EFCAB9: variants seen among roughly 807,000 people sequenced by gnomAD.
The protein encoded by EFCAB9 is EF-hand calcium-binding domain-containing protein 9.
EFCAB9 carries 16 observed loss-of-function variants against 15.6 expected under a neutral mutation model. That is an observed-to-expected ratio of 1.03 (90% CI 0.69 to 1.56). The LOEUF (loss-of-function observed/expected upper bound fraction) is 1.56, where lower values mean the gene tolerates loss of function less well. Ranked by LOEUF, EFCAB9 falls within the 40% of genes most tolerant of loss-of-function variation. The pLI is 0.00. For synonymous variants in EFCAB9, 76 were observed against 85.4 expected, an observed-to-expected ratio of 0.89 and a Z score of 0.61; for missense variants, 208 against 235.4, an observed-to-expected ratio of 0.88 and a Z score of 0.76.
At chr5:172,194,528 T>A (rs1008039379) in intron 1 of EFCAB9, among the ~76,000 whole-genome samples, 1 of 152,026 alleles carries the variant, frequency 6.6e-6, no homozygotes, top group Non-Finnish European at 1.5e-5. Context: ...GCCTCCTGAG[T>A]AGCTGGGATT....
intron 3 of EFCAB9, 24 bp from the exon 4 acceptor site, chr5:172,203,190 C>CTTTT (rs562418226): frequency 4.1e-6 from 6 of 1,454,362 alleles, no homozygotes; most frequent in African/African-American, 3.0e-5. Context: ...AATAATTTTT[C>CTTTT]TTTCCCCCCC....
chr5:172,197,164 A>G (rs554038427), intron 1 of EFCAB9, among the ~76,000 whole-genome samples: 2 of 151,428 alleles, frequency 1.3e-5, no homozygotes, highest in African/African-American at 4.9e-5. Flanking sequence ...CTGGAGTGCA[A>G]TGGCACAATC....
At chr5:172,200,428 C>T in intron 2 of EFCAB9, 138 bp from the exon 3 acceptor site, 1 of 842,588 alleles carries the variant, frequency 1.2e-6, no homozygotes. Flanking sequence ...AGAACCCTTT[C>T]AGCCCTGAGC....
chr5:172,197,144 G>A (rs1771178369), intron 1 of EFCAB9, among the ~76,000 whole-genome samples: 1 of 142,250 alleles, frequency 7.0e-6, no homozygotes, highest in Non-Finnish European at 1.5e-5. Context: ...TTTCACTTTT[G>A]TTGCCCAGGC....
chr5:172,200,889 G>A, intron 3 of EFCAB9, 147 bp downstream of exon 3: 1 of 809,602 alleles, frequency 1.2e-6, no homozygotes, highest in Admixed American at 3.2e-5. Context: ...ACAAGGATCA[G>A]AAAAAAACTT....
Position 172,200,699 on chromosome 5 carries a change from A to C in EFCAB9, c.419A>C (p.Glu140Ala), listed in dbSNP as rs757812818. The change falls in exon 3 of 4, where the codon GAA becomes GCA. Residue 140 changes from glutamate (E) to alanine (A), a missense_variant. Transcript: ENST00000398186. The part of the protein sequence containing the change: ...YRFLFNIQKQ[E>A]LKDLFRDFDI... ...TTTCTCTTCAATATTCAAAAACAGGAACTCAAAGATCTCTTCCGTGACTTT... is the reference window on the plus strand; with the variant it reads ...TTTCTCTTCAATATTCAAAAACAGGCACTCAAAGATCTCTTCCGTGACTTT... 32 of 1,537,528 alleles carry C rather than the reference A, an allele frequency of 2.1e-5. No homozygotes were observed. Among genetic ancestry groups the C allele is most frequent in the Non-Finnish European group, 8.7e-7 (1 of 1,147,000 alleles).
intron 3 of EFCAB9, among the ~76,000 whole-genome samples, 161 bp from the exon 4 acceptor site, chr5:172,203,053 C>T (rs1273528568): frequency 6.6e-6 from 1 of 152,178 alleles, no homozygotes; most frequent in Non-Finnish European, 1.5e-5. Context: ...CTCTCTATTC[C>T]TGGGTACTCG....
At chr5:172,203,128 T>C (rs1259515803) in intron 3 of EFCAB9, 86 bp from the exon 4 acceptor site, 14 of 1,280,920 alleles carry the variant, frequency 1.1e-5, no homozygotes, top group Middle Eastern at 2.4e-4. Flanking sequence ...GTTTTTAAAA[T>C]AGAAATGAAT....
Position 172,200,668 on chromosome 5 carries a change from T to A in EFCAB9, c.388T>A (p.Tyr130Asn). 5 of 1,537,472 alleles carry A rather than the reference T, an allele frequency of 3.3e-6. No individual in the cohort carries two copies. The highest frequency in any genetic ancestry group is 4.4e-6 in the Non-Finnish European group (5 of 1,146,968). ...LRIGAKNFEM[Y>N]RFLFNIQKQE... ...AATTGGTGCAAAAAACTTCGAAATG[T>A]ACAGATTTCTCTTCAATATTCAAAA... is the stretch of plus-strand genomic sequence containing the variant. Residue 130 changes from tyrosine (Y) to asparagine (N), a missense_variant, in exon 3 of 4, where the codon TAC becomes AAC. Coordinates refer to ENST00000398186, the MANE Select transcript of EFCAB9 (RefSeq NM_001171183.2).
At position 172,200,707 on chromosome 5, in the gene EFCAB9, G is replaced by T. The variant is rs779288514; in HGVS notation, c.427G>T (p.Asp143Tyr). The change falls in exon 3 of 4, where the codon GAT (aspartate) becomes TAT (tyrosine). Residue 143 changes from aspartate to tyrosine, a missense_variant. Coordinates refer to ENST00000398186, the MANE Select transcript of EFCAB9 (RefSeq NM_001171183.2). ...CAATATTCAAAAACAGGAACTCAAA[G>T]ATCTCTTCCGTGACTTTGACATTAC... The part of the protein sequence containing the change: ...LFNIQKQELK[D>Y]LFRDFDITGD... The T allele has an allele frequency of 2.0e-6, 3 of 1,537,450 alleles. No homozygotes were observed. The African/African-American group carries it at 4.1e-5, about 21-fold the overall frequency.
chr5:172,194,840 T>C (rs2113856950), intron 1 of EFCAB9, among the ~76,000 whole-genome samples: 1 of 152,252 alleles, frequency 6.6e-6, no homozygotes, highest in Middle Eastern at 3.4e-3. Context: ...TCCTTGGTGA[T>C]GTGGATAACA....
At chr5:172,196,288 A>C (rs1771160747) in intron 1 of EFCAB9, among the ~76,000 whole-genome samples, 2 of 152,142 alleles carry the variant, frequency 1.3e-5, no homozygotes, top group Non-Finnish European at 2.9e-5. Flanking sequence ...AGAAGCCCCC[A>C]AATCATGACA....
chr5:172,202,906 A>C (rs183037312), intron 3 of EFCAB9, among the ~76,000 whole-genome samples: 1 of 152,208 alleles, frequency 6.6e-6, no homozygotes, highest in Non-Finnish European at 1.5e-5. Flanking sequence ...AGGCTGAGGC[A>C]GGGGTATCAC....
intron 1 of EFCAB9, among the ~76,000 whole-genome samples, chr5:172,196,445 G>T (rs367566195): frequency 1.3e-5 from 2 of 151,220 alleles, no homozygotes; most frequent in Admixed American, 6.6e-5. Flanking sequence ...GGAGTGCAGT[G>T]GCGCCATCTT....
chr5:172,197,866 G>A (rs549568884), intron 1 of EFCAB9, among the ~76,000 whole-genome samples: 3 of 152,090 alleles, frequency 2.0e-5, no homozygotes, highest in Admixed American at 1.3e-4. Context: ...CCCTGCCCAC[G>A]TCCTGCTGAT....
intron 1 of EFCAB9, among the ~76,000 whole-genome samples, chr5:172,196,696 A>T (rs1771170387): frequency 6.6e-6 from 1 of 152,140 alleles, no homozygotes; most frequent in African/African-American, 2.4e-5. Flanking sequence ...TTTCTTATGC[A>T]GGAGAGAGTT....
chr5:172,199,233 T>A, intron 1 of EFCAB9, 150 bp from the exon 2 acceptor site: 1 of 1,019,956 alleles, frequency 9.8e-7, no homozygotes, highest in Non-Finnish European at 1.4e-6. Context: ...CTATAGAAAG[T>A]ACAGTGGCAA....
intron 1 of EFCAB9, among the ~76,000 whole-genome samples, chr5:172,198,394 A>T (rs2113859095): frequency 6.6e-6 from 1 of 152,274 alleles, no homozygotes; most frequent in East Asian, 1.9e-4. Context: ...CTGTGGTCCC[A>T]GCTACTTGGG....
chr5:172,196,818 G>A (rs1771172562), intron 1 of EFCAB9, among the ~76,000 whole-genome samples: 1 of 152,160 alleles, frequency 6.6e-6, no homozygotes, highest in Admixed American at 6.5e-5. Context: ...TAAGTGTATT[G>A]CCATGCTTGT....
Sources: gnomAD v4.1 joint callset for allele counts (sites outside exome capture counted in the v4.1 genomes callset) on GRCh38, gnomAD v4.1.1 for gene constraint, MANE v1.5 for transcripts, NCBI Gene and HGNC (gene_info 2026-07-23, HGNC 2026-07-21) for gene names.